The following NKD1 variants were observed in gnomAD, a reference collection of about 807,000 sequenced individuals.
NKD1 encodes NKD inhibitor of Wnt signaling pathway 1.
NKD1 carries 21 observed loss-of-function variants against 56.0 expected under a neutral mutation model. That is an observed-to-expected ratio of 0.38 (90% confidence interval 0.27 to 0.54). The LOEUF is 0.54. Ranked by LOEUF, NKD1 falls within the 20% of genes least tolerant of loss-of-function variation. The pLI is 0.82. For synonymous variants in NKD1, 263 were observed against 265.7 expected (o/e 0.99, Z 0.10); for missense variants, 578 against 642.7 (o/e 0.90, Z 1.09).
chr16:50,595,677 G>T (rs914285797), intron 3 of NKD1, among the ~76,000 whole-genome samples: 7 of 152,206 alleles, frequency 4.6e-5, no homozygotes, highest in African/African-American at 1.7e-4. Flanking sequence ...TGTTGGGTGA[G>T]GTACAAGTGT....
At chr16:50,627,227 G>A (rs1962240943) in intron 6 of NKD1, among the ~76,000 whole-genome samples, 1 of 152,144 alleles carries the variant, frequency 6.6e-6, no homozygotes, top group Admixed American at 6.5e-5. Context: ...TGACCCAGAG[G>A]CTCAGTGGCT....
At chr16:50,607,169 A>G (rs1452860887) in intron 3 of NKD1, 10 of 360,714 alleles carry the variant, frequency 2.8e-5, no homozygotes, top group Non-Finnish European at 5.5e-5. Context: ...GATTTGAAAG[A>G]AGAAAGAGAA....
chr16:50,630,249 A>G lies in NKD1; in HGVS notation c.526A>G (p.Thr176Ala), dbSNP rs750505507. 16 of 1,614,040 alleles carry G rather than the reference A, an allele frequency of 9.9e-6. No homozygotes were observed. Among genetic ancestry groups the G allele is most frequent in the Admixed American group, 1.7e-5 (1 of 60,006 alleles). The change falls in exon 7 of 10, where the codon ACA (threonine) becomes GCA (alanine). Residue 176 changes from threonine (T) to alanine (A), a missense_variant. Coordinates refer to ENST00000268459, the MANE Select transcript of NKD1 (RefSeq NM_033119.5). Reference protein sequence around the residue: ...VVDSSVNHSPTSSKMLRVKLT... With the variant: ...VVDSSVNHSPASSKMLRVKLT... Reference sequence around the variant, plus strand: ...GGACTCCTCTGTCAACCACTCCCCAACATCCAGCAAGATGCTGCGGGTAAA... The same window carrying G: ...GGACTCCTCTGTCAACCACTCCCCAGCATCCAGCAAGATGCTGCGGGTAAA...
At chr16:50,629,108 G>A (rs1387611821) in intron 6 of NKD1, among the ~76,000 whole-genome samples, 1 of 152,062 alleles carries the variant, frequency 6.6e-6, no homozygotes, top group Non-Finnish European at 1.5e-5. Context: ...TGGGACTACA[G>A]GTGTGCACCA....
At chr16:50,595,502 T>A (rs1961453819) in intron 3 of NKD1, among the ~76,000 whole-genome samples, 1 of 152,080 alleles carries the variant, frequency 6.6e-6, no homozygotes, top group Non-Finnish European at 1.5e-5. Flanking sequence ...AGCAGAGGCC[T>A]CTCTTCCAGA....
chr16:50,575,361 C>T, intron 3 of NKD1: 1 of 985,224 alleles, frequency 1.0e-6, no homozygotes, highest in Non-Finnish European at 1.2e-6. Flanking sequence ...GGCTTAGGGC[C>T]TGGTTTTCAG....
chr16:50,581,107 A>G (rs1427620519), intron 3 of NKD1, among the ~76,000 whole-genome samples: 4 of 152,202 alleles, frequency 2.6e-5, no homozygotes, highest in African/African-American at 9.7e-5. Context: ...TAAATAACTT[A>G]GCTCCTTAGC....
chr16:50,609,751 A>C (rs1961801211), intron 4 of NKD1, among the ~76,000 whole-genome samples: 1 of 152,144 alleles, frequency 6.6e-6, no homozygotes, highest in African/African-American at 2.4e-5. Context: ...CGTTGCCTAG[A>C]AGTTGGAGGC....
chr16:50,591,651 C>G (rs1961369481), intron 3 of NKD1, among the ~76,000 whole-genome samples: 1 of 152,192 alleles, frequency 6.6e-6, no homozygotes, highest in Non-Finnish European at 1.5e-5. Flanking sequence ...TAGCATTTTT[C>G]CCTACCATAA....
At chr16:50,551,877 G>A (rs1960393962) in intron 3 of NKD1, 1 of 152,192 alleles carries the variant, frequency 6.6e-6, no homozygotes, top group African/African-American at 2.4e-5. Context: ...GTGAATGTGG[G>A]AATGGAATGC....
intron 4 of NKD1, among the ~76,000 whole-genome samples, chr16:50,613,176 C>G (rs1430324621): frequency 6.6e-6 from 1 of 151,936 alleles, no homozygotes; most frequent in Non-Finnish European, 1.5e-5. Flanking sequence ...CGTTTTTGGA[C>G]CAGTTGGGTT....
chr16:50,573,662 G>A (rs887260393), intron 3 of NKD1, among the ~76,000 whole-genome samples: 2 of 152,194 alleles, frequency 1.3e-5, no homozygotes, highest in South Asian at 4.1e-4. Flanking sequence ...GAGGAGGGTC[G>A]CACCCTCTCT....
At chr16:50,589,276 A>G (rs1356782730) in intron 3 of NKD1, among the ~76,000 whole-genome samples, 1 of 152,212 alleles carries the variant, frequency 6.6e-6, no homozygotes, top group African/African-American at 2.4e-5. Flanking sequence ...ACACGAAAGT[A>G]GAGAGAATAC....
At chr16:50,576,810 A>T (rs1284819837) in intron 3 of NKD1, among the ~76,000 whole-genome samples, 1 of 149,392 alleles carries the variant, frequency 6.7e-6, no homozygotes, top group Non-Finnish European at 1.5e-5. Context: ...AAAGTTATTT[A>T]CCAAGTATAC....
chr16:50,580,144 A>G (rs941567184), intron 3 of NKD1, among the ~76,000 whole-genome samples: 1 of 152,256 alleles, frequency 6.6e-6, no homozygotes, highest in African/African-American at 2.4e-5. Context: ...CCCGTGGACT[A>G]TGTCTTCCTT....
rs1962631782 is a variant in NKD1 at position 50,644,082 on chromosome 16, T to C, written c.*10301T>C. 6.6e-6 allele frequency: 1 copy of C among 152,258 alleles called. No individual in the cohort carries two copies. The highest frequency in any genetic ancestry group is 2.4e-5 in the African/African-American group (1 of 41,476). The allele number at this position is 152,258 out of a possible 1,614,324, so 9.4% of individuals were successfully genotyped here. A position where few individuals can be genotyped will look rare whatever the true frequency, so the allele number is the denominator to read the frequency against. On this transcript the variant is annotated 3_prime_UTR_variant, in exon 10 of 10. Coordinates refer to ENST00000268459, the MANE Select transcript of NKD1 (RefSeq NM_033119.5). The stretch of plus-strand genomic sequence containing the variant: ...TCTTGTTCGACCTCAGTTGAGAACA[T>C]GTTGTCGGGCCACTCAGACTTTTCA...
rs1360593658 is a variant in NKD1, at chr16:50,633,083, G to A, written c.824-109G>A. 1.0e-6 allele frequency: 1 copy of A among 999,806 alleles called. No homozygotes were observed. Among genetic ancestry groups the A allele is most frequent in the Non-Finnish European group, 1.4e-6 (1 of 701,702 alleles). The allele number at this position is 999,806 out of a possible 1,614,324, so 61.9% of individuals were successfully genotyped here. On this transcript the variant is annotated intron_variant, in intron 9 of 9. Transcript: ENST00000268459. This position sits in a 1 kb window ranked among gnomAD's most constrained non-coding sequence, Gnocchi z 4.9. ...CAGTGAGGGGCAGTCAGGGCATTGGGGGGTAGCTCTGGTTTTGGAGAACTG... is the reference window on the plus strand; with the variant it reads ...CAGTGAGGGGCAGTCAGGGCATTGGAGGGTAGCTCTGGTTTTGGAGAACTG...
At chr16:50,563,785 G>T (rs1332080347) in intron 3 of NKD1, among the ~76,000 whole-genome samples, 6 of 144,008 alleles carry the variant, frequency 4.2e-5, no homozygotes, top group Non-Finnish European at 9.1e-5. Flanking sequence ...CACAGCCCTG[G>T]ATGCATGGAG....
rs200811982 is a variant in NKD1 at position 50,621,574 on chromosome 16, A to G, written c.260-28A>G. 10,889 of 1,559,050 alleles carry G rather than the reference A, an allele frequency of 7.0e-3. 83 individuals are homozygous for G. Among genetic ancestry groups the G allele is most frequent in the Non-Finnish European group, 6.9e-3 (7,797 of 1,132,322 alleles). ...TGCCCGGCGTCTGGACCCTGCTCCT[A>G]ATGCTCCCTCGCCTGCCTCCCCGAC... On this transcript the variant is annotated intron_variant, in intron 4 of 9. Coordinates refer to ENST00000268459, the MANE Select transcript of NKD1 (RefSeq NM_033119.5).
Sources: gnomAD v4.1 joint callset for allele counts (sites outside exome capture counted in the v4.1 genomes callset) on GRCh38, gnomAD v4.1.1 for gene constraint, Gnocchi (gnomAD v3.1) non-coding constraint, MANE v1.5 for transcripts, NCBI Gene and HGNC (gene_info 2026-07-23, HGNC 2026-07-21) for gene names.